Variants in CYP7B1 observed in about 807,000 individuals in gnomAD.
CYP7B1 encodes cytochrome P450 7B1.
CYP7B1 carries 29 observed loss-of-function variants against 42.7 expected under a neutral mutation model. The observed-to-expected ratio is 0.68, with a 90% confidence interval of 0.51 to 0.93. CYP7B1 has a LOEUF of 0.93. Ranked by LOEUF, CYP7B1 falls within the 40% of genes least tolerant of loss-of-function variation. CYP7B1 has a pLI of 0.00. For missense variants in CYP7B1, 655 were observed against 600.5 expected, an observed-to-expected ratio of 1.09 and a Z score of -0.95; for synonymous variants, 235 against 218.2, an observed-to-expected ratio of 1.08 and a Z score of -0.68.
Position 64,798,719 on chromosome 8 carries a change from C to T in CYP7B1, c.-132G>A. 1 of 993,712 alleles carries T rather than the reference C, an allele frequency of 1.0e-6. No homozygotes were observed. Among genetic ancestry groups the T allele is most frequent in the East Asian group, 3.3e-5 (1 of 29,918 alleles). The allele number at this position is 993,712 out of a possible 1,614,324, so 61.6% of individuals were successfully genotyped here. On this transcript the variant is annotated 5_prime_UTR_variant, in exon 1 of 6. Coordinates refer to ENST00000310193, the MANE Select transcript of CYP7B1 (RefSeq NM_004820.5). ...AGGGCCGGAGAGGCTGGCCTGCCCG[C>T]AGCGCAGACAGGAATGTCACCGTGG... is the stretch of plus-strand genomic sequence containing the variant.
chr8:64,690,797 G>C (rs925103290), intron 1 of CYP7B1, among the ~76,000 whole-genome samples: 1 of 152,200 alleles, frequency 6.6e-6, no homozygotes, highest in African/African-American at 2.4e-5. Context: ...TGTTCACTCT[G>C]CTGTGGGATG....
chr8:64,782,218 C>A (rs1277045045), intron 1 of CYP7B1, among the ~76,000 whole-genome samples: 2 of 151,252 alleles, frequency 1.3e-5, no homozygotes, highest in African/African-American at 2.4e-5. Flanking sequence ...CACAAATTGC[C>A]AGCTATGATC....
At chr8:64,601,152 T>C (rs1350423590) in intron 5 of CYP7B1, among the ~76,000 whole-genome samples, 1 of 152,198 alleles carries the variant, frequency 6.6e-6, no homozygotes, top group Non-Finnish European at 1.5e-5. Context: ...CTTTTAGTGA[T>C]TTAGAATTTT....
intron 1 of CYP7B1, among the ~76,000 whole-genome samples, chr8:64,714,844 T>C (rs1039566498): frequency 6.6e-6 from 1 of 152,154 alleles, no homozygotes; most frequent in African/African-American, 2.4e-5. Flanking sequence ...TAAGCAAATA[T>C]TTAATCTAAT....
intron 1 of CYP7B1, among the ~76,000 whole-genome samples, chr8:64,709,224 A>G (rs1286689983): frequency 6.6e-6 from 1 of 152,152 alleles, no homozygotes; most frequent in Non-Finnish European, 1.5e-5. Context: ...CCAAAATATA[A>G]TCAAGCCTGT....
intron 1 of CYP7B1, among the ~76,000 whole-genome samples, chr8:64,659,382 G>A (rs776862631): frequency 1.6e-4 from 24 of 151,982 alleles, no homozygotes; most frequent in Non-Finnish European, 8.8e-5. Flanking sequence ...TATACCTATA[G>A]CATCCTTTAA....
intron 1 of CYP7B1, among the ~76,000 whole-genome samples, chr8:64,687,445 CAG>C (rs1806672550): frequency 1.3e-5 from 2 of 152,070 alleles, no homozygotes; most frequent in African/African-American, 4.8e-5. Context: ...TGGCTGCCAA[CAG>C]AGTTTTTTCT....
intron 1 of CYP7B1, among the ~76,000 whole-genome samples, chr8:64,666,345 G>A (rs1806279322): frequency 6.6e-6 from 1 of 151,996 alleles, no homozygotes; most frequent in Non-Finnish European, 1.5e-5. Flanking sequence ...TCCTTACAGA[G>A]GTTGCAGTCT....
At chr8:64,675,754 G>T (rs905772514) in intron 1 of CYP7B1, among the ~76,000 whole-genome samples, 13 of 152,142 alleles carry the variant, frequency 8.5e-5, no homozygotes, top group African/African-American at 3.1e-4. Flanking sequence ...TTGTTTCTTA[G>T]AGGATGCACT....
intron 1 of CYP7B1, among the ~76,000 whole-genome samples, chr8:64,733,887 T>A (rs529498557): frequency 6.6e-6 from 1 of 152,164 alleles, no homozygotes; most frequent in East Asian, 1.9e-4. Flanking sequence ...GGAGGATTGC[T>A]TGAGCCCAGG....
intron 2 of CYP7B1, among the ~76,000 whole-genome samples, chr8:64,619,172 C>A (rs1342022978): frequency 6.6e-6 from 1 of 152,172 alleles, no homozygotes; most frequent in Non-Finnish European, 1.5e-5. Flanking sequence ...ACCAGAGTTT[C>A]TTTGTGATCT....
intron 1 of CYP7B1, among the ~76,000 whole-genome samples, chr8:64,690,231 T>C (rs73243403): frequency 0.016 from 2,466 of 152,172 alleles, 56 homozygotes; most frequent in African/African-American, 0.054. Context: ...ATCCCATCTC[T>C]ACAAAAATAA....
chr8:64,624,634 C>A (rs997138954), intron 1 of CYP7B1, 95 bp from the exon 2 acceptor site: 17 of 1,405,626 alleles, frequency 1.2e-5, no homozygotes, highest in African/African-American at 4.3e-5. Context: ...TAGAAGGTGA[C>A]TGCATGGATT....
At chr8:64,704,956 T>G (rs1563398526) in intron 1 of CYP7B1, among the ~76,000 whole-genome samples, 1 of 152,032 alleles carries the variant, frequency 6.6e-6, no homozygotes, top group Admixed American at 6.6e-5. Flanking sequence ...GACCTTGCGT[T>G]AGATGTGTTT....
At chr8:64,637,734 A>G (rs1488857642) in intron 1 of CYP7B1, among the ~76,000 whole-genome samples, 1 of 152,174 alleles carries the variant, frequency 6.6e-6, no homozygotes, top group African/African-American at 2.4e-5. Flanking sequence ...ATGTTTTGTG[A>G]AATAAACTTT....
intron 1 of CYP7B1, among the ~76,000 whole-genome samples, chr8:64,625,726 T>C (rs990167388): frequency 2.0e-5 from 3 of 152,198 alleles, no homozygotes; most frequent in African/African-American, 7.2e-5. Context: ...TATTTTGTTT[T>C]CTATACAGCA....
chr8:64,737,086 C>A (rs2129633204), intron 1 of CYP7B1, among the ~76,000 whole-genome samples: 1 of 152,242 alleles, frequency 6.6e-6, no homozygotes, highest in South Asian at 2.1e-4. Flanking sequence ...TATCCTAAAT[C>A]AGTCCATTTT....
intron 1 of CYP7B1, among the ~76,000 whole-genome samples, chr8:64,643,015 T>C (rs1020939432): frequency 6.6e-6 from 1 of 151,534 alleles, no homozygotes; most frequent in Non-Finnish European, 1.5e-5. Flanking sequence ...CTGTCTCTCA[T>C]ATGGCCATAC....
At chr8:64,672,150 T>C (rs1806376402) in intron 1 of CYP7B1, among the ~76,000 whole-genome samples, 1 of 152,146 alleles carries the variant, frequency 6.6e-6, no homozygotes, top group African/African-American at 2.4e-5. Flanking sequence ...AATGATATGA[T>C]CTTGTAGAAG....
Sources: allele counts gnomAD v4.1 joint callset (sites outside exome capture counted in the v4.1 genomes callset), GRCh38; gene constraint gnomAD v4.1.1; transcripts MANE v1.5; gene names NCBI Gene and HGNC (gene_info 2026-07-23, HGNC 2026-07-21).